The following LANCL3 variants were observed in gnomAD, a reference collection of about 807,000 sequenced individuals.
The protein encoded by LANCL3 is LanC like family member 3, also known as lanC-like protein 3.
LANCL3 carries 19 observed loss-of-function variants against 26.5 expected under a neutral mutation model. The observed-to-expected ratio is 0.72, with a 90% CI of 0.50 to 1.05. The LOEUF (loss-of-function observed/expected upper bound fraction) is 1.05, where lower values mean the gene tolerates loss of function less well. Ranked by LOEUF, LANCL3 falls within the 50% of genes least tolerant of loss-of-function variation. The probability of loss-of-function intolerance (pLI) is 0.00; values close to 1 mark genes in which losing one functional copy is unlikely to be tolerated. For missense variants in LANCL3, 318 were observed against 362.7 expected, an observed-to-expected ratio of 0.88 and a Z score of 1.00; for synonymous variants, 160 against 166.6, an observed-to-expected ratio of 0.96 and a Z score of 0.30.
intron 1 of LANCL3, among the ~76,000 whole-genome samples, chrX:37,579,275 A>G (rs1923833882): frequency 9.0e-6 from 1 of 111,416 alleles, no homozygotes; most frequent in Admixed American, 9.6e-5. Flanking sequence ...TGCTATCACA[A>G]ATAGTGCCAT....
intron 1 of LANCL3, among the ~76,000 whole-genome samples, chrX:37,581,550 G>T (rs1251044120): frequency 9.0e-6 from 1 of 111,591 alleles, no homozygotes; most frequent in Non-Finnish European, 1.9e-5. Flanking sequence ...ATGATACCAA[G>T]CCTATTTTAG....
chrX:37,579,102 T>G (rs782685951), intron 1 of LANCL3, among the ~76,000 whole-genome samples: 2 of 110,564 alleles, frequency 1.8e-5, no homozygotes, highest in Non-Finnish European at 3.8e-5. Context: ...ATATTATACA[T>G]ATATTACACA....
At chrX:37,644,848 C>T (rs1292487260) in intron 1 of LANCL3, among the ~76,000 whole-genome samples, 1 of 112,334 alleles carries the variant, frequency 8.9e-6, no homozygotes, top group Non-Finnish European at 1.9e-5. Context: ...GATACTCATC[C>T]CTGGGTCCCA....
chrX:37,589,153 T>A (rs1415739523), intron 1 of LANCL3, among the ~76,000 whole-genome samples: 1 of 110,963 alleles, frequency 9.0e-6, no homozygotes, highest in Non-Finnish European at 1.9e-5. Flanking sequence ...TTTAAAATGT[T>A]TTTTTTTTCT....
Position 37,655,739 on chromosome X carries a change from G to T in LANCL3, c.625G>T (p.Gly209Trp), listed in dbSNP as rs782282294. The change falls in exon 2 of 5, where the codon GGG becomes TGG. Residue 209 changes from glycine to tryptophan, a missense_variant. By Grantham distance (184) the Gly-to-Trp change is radical (BLOSUM62 -2). Transcript: ENST00000378619. ...AATTTGTCAGGCAATTCTGGACTCT[G>T]GGAAGCAGTATGCCATAAAGAAGAG... is the stretch of plus-strand genomic sequence containing the variant. The part of the protein sequence containing the change: ...KSICQAILDS[G>W]KQYAIKKRKP... 1.0e-5 allele frequency: 12 copies of T among 1,200,659 alleles called. No individual in the cohort carries two copies. The highest frequency in any genetic ancestry group is 1.4e-5 in the Non-Finnish European group (12 of 887,498).
In LANCL3 at chrX:37,571,892, G is replaced by T. The variant is rs1483855250; in HGVS notation, c.22G>T (p.Ala8Ser). 1.7e-6 allele frequency: 2 copies of T among 1,204,413 alleles called. No individual in the cohort carries two copies. The highest frequency in any genetic ancestry group is 1.8e-5 in the South Asian group (1 of 56,028). Residue 8 changes from alanine to serine, a missense_variant, in exon 1 of 5, where the codon GCC (alanine) becomes TCC (serine). By Grantham distance (99) the Ala-to-Ser change is moderately conservative. Transcript: ENST00000378619. MDTKRCF[A>S]NRFDDYQGSL... ...CAGCATGGACACCAAGCGCTGCTTCGCCAATCGCTTCGATGACTACCAGGG... is the reference window on the plus strand; with the variant it reads ...CAGCATGGACACCAAGCGCTGCTTCTCCAATCGCTTCGATGACTACCAGGG...
At chrX:37,633,664 G>A (rs1556424976) in intron 1 of LANCL3, among the ~76,000 whole-genome samples, 1 of 111,792 alleles carries the variant, frequency 8.9e-6, no homozygotes, top group African/African-American at 3.3e-5. Context: ...ACCCTCAGCT[G>A]CAGGTCTGTT....
intron 1 of LANCL3, among the ~76,000 whole-genome samples, chrX:37,598,245 T>G (rs1211868637): frequency 8.9e-6 from 1 of 111,855 alleles, no homozygotes; most frequent in African/African-American, 3.3e-5. Flanking sequence ...TTGTCTAAAT[T>G]GAATTCATGA....
In LANCL3 at chrX:37,573,754, T is replaced by A. The variant is rs183154228; in HGVS notation, c.573+1311T>A. ...AGTCTGGCAGCAGGCAATTTTCAAA[T>A]TTTTTTTTCCAATTGTTTTCCTTAA... On this transcript the variant is annotated intron_variant, in intron 1 of 4. Transcript: ENST00000378619. Among the ~76,000 whole-genome samples, 247 of 110,484 alleles carry A rather than the reference T, an allele frequency of 2.2e-3. 1 individual carries two copies. The highest frequency in any genetic ancestry group is 7.7e-3 in the African/African-American group (234 of 30,293).
Position 37,651,136 on chromosome X carries a change from A to G in LANCL3, c.574-4552A>G, listed in dbSNP as rs980729150. Among the ~76,000 whole-genome samples, 98 of 110,888 alleles carry G rather than the reference A, an allele frequency of 8.8e-4. 1 individual carries two copies. Among genetic ancestry groups the G allele is most frequent in the African/African-American group, 3.1e-3 (94 of 30,379 alleles). On this transcript the variant is annotated intron_variant, in intron 1 of 4. Transcript: ENST00000378619. ...TCTTAATCCAGTCTATCACTGATGG[A>G]CATTTGGGTTGGTTCCAAGTCTTTA...
chrX:37,587,684 T>C (rs1170742671), intron 1 of LANCL3, among the ~76,000 whole-genome samples: 1 of 112,658 alleles, frequency 8.9e-6, no homozygotes, highest in African/African-American at 3.2e-5. Context: ...GTTTTCCAGG[T>C]GCCATCTGTC....
At chrX:37,600,748 G>A (rs971658970) in intron 1 of LANCL3, among the ~76,000 whole-genome samples, 21 of 112,071 alleles carry the variant, frequency 1.9e-4, no homozygotes, top group African/African-American at 5.8e-4. Context: ...TGGGGCCTGA[G>A]ATTCTGCATT....
At chrX:37,630,409 G>T (rs1925459517) in intron 1 of LANCL3, among the ~76,000 whole-genome samples, 1 of 109,697 alleles carries the variant, frequency 9.1e-6, no homozygotes, top group Non-Finnish European at 1.9e-5. Context: ...GGGACAATTT[G>T]ACTTCCTCTT....
chrX:37,636,244 T>C (rs1467967534), intron 1 of LANCL3, among the ~76,000 whole-genome samples: 1 of 112,095 alleles, frequency 8.9e-6, no homozygotes, highest in Non-Finnish European at 1.9e-5. Context: ...TTCCATGTGT[T>C]TGCTATTGTG....
chrX:37,677,735 A>G lies in LANCL3; in HGVS notation c.*1922A>G. 1 of 112,137 alleles carries G rather than the reference A, an allele frequency of 8.9e-6. No individual in the cohort carries two copies. The highest frequency in any genetic ancestry group is 3.2e-5 in the African/African-American group (1 of 30,922). The allele number at this position is 112,137 out of a possible 1,213,427, so 9.2% of individuals were successfully genotyped here. A position where few individuals can be genotyped will look rare whatever the true frequency, so the allele number is the denominator to read the frequency against. On this transcript the variant is annotated 3_prime_UTR_variant, in exon 5 of 5. Coordinates refer to ENST00000378619, the MANE Select transcript of LANCL3 (RefSeq NM_001170331.2). ...GTTTTTATCGTCCAAGAACCCCTCA[A>G]GATGTGTTTGGTAAATGCTCCAAAG...
At position 37,677,512 on chromosome X, in the gene LANCL3, T is replaced by C. The variant is rs1556437792; in HGVS notation, c.*1699T>C. ...TTTGAAATGCATACATCTTTTCAGCTTCCTGTTTCATTTTTACATCCTCAG... is the reference window on the plus strand; with the variant it reads ...TTTGAAATGCATACATCTTTTCAGCCTCCTGTTTCATTTTTACATCCTCAG... On this transcript the variant is annotated 3_prime_UTR_variant, in exon 5 of 5. Transcript: ENST00000378619. 8.9e-6 allele frequency: 1 copy of C among 112,322 alleles called. No homozygotes were observed. Among genetic ancestry groups the C allele is most frequent in the African/African-American group, 3.2e-5 (1 of 30,959 alleles). 9.3% of individuals were successfully genotyped at this position (112,322 alleles called of 1,213,427 possible).
chrX:37,614,540 C>A (rs781885951), intron 1 of LANCL3, among the ~76,000 whole-genome samples: 3 of 111,843 alleles, frequency 2.7e-5, no homozygotes, highest in African/African-American at 9.8e-5. Context: ...TCTTAGGGAG[C>A]GATTTATATG....
chrX:37,659,596 C>T lies in LANCL3; in HGVS notation c.832C>T (p.Pro278Ser), dbSNP rs868911948. Residue 278 changes from proline to serine, a missense_variant, in exon 3 of 5, where the codon CCT (proline) becomes TCT (serine). Coordinates refer to ENST00000378619, the MANE Select transcript of LANCL3 (RefSeq NM_001170331.2). ...MEQEQNCNWP[P>S]ELGETIEREN... Reference sequence around the variant, plus strand: ...ACAGGAACAAAACTGCAACTGGCCACCTGAGCTCGGCGAGACCATCGAGAG... The same window carrying T: ...ACAGGAACAAAACTGCAACTGGCCATCTGAGCTCGGCGAGACCATCGAGAG... 2.5e-6 allele frequency: 3 copies of T among 1,210,468 alleles called. No individual in the cohort carries two copies. The Middle Eastern group carries it at 6.9e-4, about 279-fold the overall frequency.
At chrX:37,595,925 A>G (rs181885094) in intron 1 of LANCL3, among the ~76,000 whole-genome samples, 3 of 111,915 alleles carry the variant, frequency 2.7e-5, no homozygotes, top group African/African-American at 9.7e-5. Flanking sequence ...AATATAGAAA[A>G]TTGTCACTTT....
Sources: allele counts gnomAD v4.1 joint callset (sites outside exome capture counted in the v4.1 genomes callset), GRCh38; gene constraint gnomAD v4.1.1; transcripts MANE v1.5; gene names NCBI Gene and HGNC (gene_info 2026-07-23, HGNC 2026-07-21).